The following SMYD3 variants were observed in gnomAD, a reference collection of about 807,000 sequenced individuals.
SMYD3 encodes the protein histone-lysine N-methyltransferase SMYD3.
SMYD3 carries 36 observed loss-of-function variants against 57.7 expected under a neutral mutation model. The observed-to-expected ratio is 0.62, with a 90% CI of 0.48 to 0.82. The LOEUF (loss-of-function observed/expected upper bound fraction) is 0.82. Among genes scored for constraint, SMYD3 ranks in the 40% least tolerant of loss-of-function variants. SMYD3 has a pLI of 0.00. For missense variants in SMYD3, 515 were observed against 538.8 expected, an observed-to-expected ratio of 0.96 and a Z score of 0.44; for synonymous variants, 211 against 195.0, an observed-to-expected ratio of 1.08 and a Z score of -0.68.
At chr1:245,985,537 A>G (rs556233955) in intron 5 of SMYD3, among the ~76,000 whole-genome samples, 1 of 152,266 alleles carries the variant, frequency 6.6e-6, no homozygotes, top group African/African-American at 2.4e-5. Flanking sequence ...CTCAAGCACA[A>G]TCACAGTTCA....
intron 1 of SMYD3, among the ~76,000 whole-genome samples, chr1:246,428,582 G>C (rs2067252205): frequency 6.6e-6 from 1 of 152,222 alleles, no homozygotes; most frequent in Non-Finnish European, 1.5e-5. Context: ...TAAAGGTACA[G>C]AGAGCATCTA....
At chr1:246,428,676 T>G (rs528909496) in intron 1 of SMYD3, among the ~76,000 whole-genome samples, 70 of 152,252 alleles carry the variant, frequency 4.6e-4, no homozygotes, top group African/African-American at 1.7e-3. Flanking sequence ...CCCATGCTCT[T>G]AACTGCTGAT....
Position 246,335,572 on chromosome 1 carries a change from T to C in SMYD3, c.229-98A>G, listed in dbSNP as rs547044085. 1.0e-4 allele frequency: 93 copies of C among 887,364 alleles called. 1 individual carries two copies. The South Asian group carries it at 1.3e-3, about 12-fold the overall frequency. The allele number at this position is 887,364 out of a possible 1,614,324, so 55.0% of individuals were successfully genotyped here. A position where few individuals can be genotyped will look rare whatever the true frequency, so the allele number is the denominator to read the frequency against. ...AAGAGTCATAAACATTAAATTTTAA[T>C]AGTCCAAATGTAACTGCACAATAGA... On this transcript the variant is annotated intron_variant, in intron 2 of 11. Transcript: ENST00000490107.
chr1:246,069,805 G>A (rs752314578), intron 5 of SMYD3, among the ~76,000 whole-genome samples: 2 of 152,122 alleles, frequency 1.3e-5, no homozygotes, highest in Non-Finnish European at 2.9e-5. Flanking sequence ...TTCCATTTGG[G>A]GTTGGTGGTG....
intron 1 of SMYD3, among the ~76,000 whole-genome samples, chr1:246,501,699 T>C (rs2068456877): frequency 6.6e-6 from 1 of 152,172 alleles, no homozygotes; most frequent in Non-Finnish European, 1.5e-5. Flanking sequence ...CATGCTAACC[T>C]AGCAATCCTA....
chr1:245,751,580 GAGAGAGAGAGAGAAAGAGAGAGAGAGAA>G (rs549065673), intron 11 of SMYD3, among the ~76,000 whole-genome samples: 1 of 138,688 alleles, frequency 7.2e-6, no homozygotes, highest in African/African-American at 3.2e-5. Context: ...GAAAGAGAAA[GAGAGAGAGAGAGAAAGAGAGAGAGAGAA>G]AGAGAGAGAG....
intron 5 of SMYD3, among the ~76,000 whole-genome samples, chr1:246,032,785 T>G (rs1411068067): frequency 6.6e-6 from 1 of 152,164 alleles, no homozygotes; most frequent in Non-Finnish European, 1.5e-5. Context: ...CACTGATACA[T>G]GTAAAAGGTT....
chr1:245,815,061 G>C (rs557487618), intron 10 of SMYD3, among the ~76,000 whole-genome samples: 2 of 152,326 alleles, frequency 1.3e-5, no homozygotes, highest in African/African-American at 2.4e-5. Context: ...CAATGGTCTT[G>C]ATCCATCCGC....
At chr1:245,811,393 A>T (rs899131484) in intron 10 of SMYD3, among the ~76,000 whole-genome samples, 1 of 152,242 alleles carries the variant, frequency 6.6e-6, no homozygotes, top group Non-Finnish European at 1.5e-5. Context: ...TCAAAAAGAC[A>T]GATTCCATTA....
At chr1:245,919,369 A>C (rs1370099772) in intron 7 of SMYD3, among the ~76,000 whole-genome samples, 1 of 152,122 alleles carries the variant, frequency 6.6e-6, no homozygotes, top group African/African-American at 2.4e-5. Context: ...AACAATGAAC[A>C]CCATGCCAAC....
intron 5 of SMYD3, among the ~76,000 whole-genome samples, chr1:246,237,775 G>A (rs1009305773): frequency 2.6e-5 from 4 of 152,024 alleles, no homozygotes; most frequent in African/African-American, 7.3e-5. Flanking sequence ...CATCCGTATC[G>A]TACTGTGACT....
intron 5 of SMYD3, among the ~76,000 whole-genome samples, chr1:245,984,241 T>TC (rs532968338): frequency 6.6e-6 from 1 of 152,078 alleles, no homozygotes; most frequent in East Asian, 1.9e-4. Context: ...AGGTGATCCG[T>TC]CCCGCCTTGG....
At chr1:245,751,564 CAGAGAGAAAGAGAAAG>C (rs1425486213) in intron 11 of SMYD3, among the ~76,000 whole-genome samples, 2 of 138,982 alleles carry the variant, frequency 1.4e-5, no homozygotes, top group Non-Finnish European at 3.1e-5. Context: ...GACAGAGAGA[CAGAGAGAAAGAGAAAG>C]AGAGAGAGAG....
In SMYD3 at chr1:246,463,671, A is replaced by AAC. The variant is rs1406147115; in HGVS notation, c.164+43382_164+43383insGT. ...TCTCTACTAAAAATACAAAAAAAAA[A>AAC]AAAAAAAAAAAAACATTAGCTGGGT... On this transcript the variant is annotated intron_variant, in intron 1 of 11. Transcript: ENST00000490107. 5.4e-5 allele frequency among the ~76,000 whole-genome samples: 8 copies of AAC among 148,588 alleles called. No individual in the cohort carries two copies. In the East Asian group the frequency reaches 1.4e-3, roughly 26 times the overall value.
intron 10 of SMYD3, among the ~76,000 whole-genome samples, chr1:245,771,890 G>T (rs1050726891): frequency 2.6e-5 from 4 of 152,032 alleles, no homozygotes; most frequent in African/African-American, 9.7e-5. Flanking sequence ...AAAAAGATGG[G>T]CCCCACAGTC....
intron 1 of SMYD3, among the ~76,000 whole-genome samples, chr1:246,356,110 G>A (rs1256687528): frequency 6.9e-6 from 1 of 144,812 alleles, no homozygotes; most frequent in African/African-American, 2.5e-5. Context: ...ACCTCCATCA[G>A]ATCACAGGAC....
At position 246,074,643 on chromosome 1, in the gene SMYD3, C is replaced by A. The variant is rs187396269; in HGVS notation, c.532-144706G>T. Among the ~76,000 whole-genome samples, 8 of 152,184 alleles carry A rather than the reference C, an allele frequency of 5.3e-5. No homozygotes were observed. The East Asian group carries it at 1.5e-3, about 29-fold the overall frequency. On this transcript the variant is annotated intron_variant, in intron 5 of 11. Coordinates refer to ENST00000490107, the MANE Select transcript of SMYD3 (RefSeq NM_001167740.2). ...TGAAGCCAGAAATTTTCTGGCTGTG[C>A]CAGCTGGGGCAACTGCAAGTTGGAT...
intron 5 of SMYD3, among the ~76,000 whole-genome samples, chr1:246,201,222 T>C (rs2062919056): frequency 1.3e-5 from 2 of 152,192 alleles, no homozygotes; most frequent in Non-Finnish European, 2.9e-5. Flanking sequence ...AGTCCTTATA[T>C]ATGGTAGCAG....
At chr1:246,231,213 C>T (rs1376501650) in intron 5 of SMYD3, among the ~76,000 whole-genome samples, 1 of 152,100 alleles carries the variant, frequency 6.6e-6, no homozygotes, top group African/African-American at 2.4e-5. Context: ...CTCTCTCATC[C>T]CAGCTGACAT....
Sources: gnomAD v4.1 joint callset for allele counts (sites outside exome capture counted in the v4.1 genomes callset) on GRCh38, gnomAD v4.1.1 for gene constraint, MANE v1.5 for transcripts, NCBI Gene and HGNC (gene_info 2026-07-23, HGNC 2026-07-21) for gene names.